PCDH9: variants seen among roughly 807,000 people sequenced by gnomAD.
The protein encoded by PCDH9 is protocadherin-9.
In PCDH9, 24 loss-of-function variants were observed where a neutral mutation model predicts 70.6. The ratio of observed to expected loss-of-function variants is 0.34; its 90% confidence interval spans 0.25 to 0.48. PCDH9 has a LOEUF of 0.48. PCDH9 is among the 20% of genes least tolerant of loss of function. The probability of loss-of-function intolerance (pLI) is 0.99; values close to 1 mark genes in which losing one functional copy is unlikely to be tolerated. For synonymous variants in PCDH9, 562 were observed against 558.5 expected (o/e 1.01, Z -0.09); for missense variants, 1,281 against 1,503.6 (o/e 0.85, Z 2.45).
intron 4 of PCDH9, among the ~76,000 whole-genome samples, chr13:66,552,568 G>A (rs748467733): frequency 1.3e-5 from 2 of 152,104 alleles, no homozygotes; most frequent in African/African-American, 2.4e-5. Context: ...TGTTGAGGTA[G>A]TCAGTCTTGC....
At chr13:67,069,912 T>C (rs2138150859) in intron 2 of PCDH9, among the ~76,000 whole-genome samples, 1 of 152,150 alleles carries the variant, frequency 6.6e-6, no homozygotes, top group East Asian at 1.9e-4. Flanking sequence ...ATTCATCCTT[T>C]GTGTCACATC....
rs150623614 is a variant in PCDH9 at position 66,773,994 on chromosome 13, T to C, written c.3138+129510A>G. On this transcript the variant is annotated intron_variant, in intron 3 of 4. Coordinates refer to ENST00000377865, the MANE Select transcript of PCDH9 (RefSeq NM_203487.3). ...AGTTTCACCATGTTGGCCAGGCTGG[T>C]CTTGAACTCCTGACCTCAGGTTATC... is the stretch of plus-strand genomic sequence containing the variant. Among the ~76,000 whole-genome samples the C allele has an allele frequency of 9.2e-3, 1,404 of 152,064 alleles. 8 individuals carry two copies. Among genetic ancestry groups the C allele is most frequent in the Non-Finnish European group, 0.014 (920 of 67,988 alleles).
At chr13:66,441,778 G>T (rs912875950) in intron 4 of PCDH9, among the ~76,000 whole-genome samples, 1 of 151,842 alleles carries the variant, frequency 6.6e-6, no homozygotes. Flanking sequence ...ATAATTCTTG[G>T]TTAATAAAGA....
At chr13:66,788,897 C>G (rs1187006310) in intron 3 of PCDH9, among the ~76,000 whole-genome samples, 1 of 152,042 alleles carries the variant, frequency 6.6e-6, no homozygotes, top group Non-Finnish European at 1.5e-5. Flanking sequence ...GTCTGACTAG[C>G]ACATGTAGAA....
At chr13:67,002,975 CT>C (rs569682957) in intron 2 of PCDH9, among the ~76,000 whole-genome samples, 2 of 150,958 alleles carry the variant, frequency 1.3e-5, no homozygotes, top group Admixed American at 6.6e-5. Context: ...TACATGGAGG[CT>C]TTTTTTTAAT....
intron 2 of PCDH9, chr13:67,216,910 T>C (rs1240471004): frequency 6.6e-6 from 1 of 151,510 alleles, no homozygotes; most frequent in African/African-American, 2.4e-5. Flanking sequence ...ATTCTAGACA[T>C]CCAATGTGAA....
At chr13:66,540,915 A>ATCTT (rs1286937673) in intron 4 of PCDH9, among the ~76,000 whole-genome samples, 2 of 152,162 alleles carry the variant, frequency 1.3e-5, no homozygotes, top group Non-Finnish European at 2.9e-5. Flanking sequence ...GAAGGGCCAC[A>ATCTT]TCTTTGACAG....
At chr13:66,866,248 C>G (rs887530712) in intron 3 of PCDH9, among the ~76,000 whole-genome samples, 1 of 149,766 alleles carries the variant, frequency 6.7e-6, no homozygotes, top group Non-Finnish European at 1.5e-5. Context: ...TTTGGGAGGC[C>G]GAGGTGGGCT....
At chr13:66,750,966 C>G (rs2079448239) in intron 3 of PCDH9, among the ~76,000 whole-genome samples, 1 of 152,010 alleles carries the variant, frequency 6.6e-6, no homozygotes, top group Non-Finnish European at 1.5e-5. Flanking sequence ...AGTTGGATTT[C>G]TAAGACATGA....
intron 3 of PCDH9, among the ~76,000 whole-genome samples, chr13:66,653,010 A>G (rs1427070761): frequency 6.6e-6 from 1 of 152,178 alleles, no homozygotes; most frequent in African/African-American, 2.4e-5. Flanking sequence ...TGTATTAAAG[A>G]CTTAAATCTA....
chr13:66,987,925 G>T (rs1010448504), intron 2 of PCDH9, among the ~76,000 whole-genome samples: 1 of 151,730 alleles, frequency 6.6e-6, no homozygotes, highest in African/African-American at 2.4e-5. Context: ...TTGAGACAGG[G>T]TCTTTGTCTG....
intron 3 of PCDH9, among the ~76,000 whole-genome samples, chr13:66,824,324 T>G (rs1466040273): frequency 2.0e-5 from 1 of 50,618 alleles, no homozygotes; most frequent in African/African-American, 6.5e-5. Context: ...TATATATATA[T>G]ATATATATAT....
At chr13:67,154,589 A>AT (rs1407842401) in intron 2 of PCDH9, among the ~76,000 whole-genome samples, 57 of 91,304 alleles carry the variant, frequency 6.2e-4, no homozygotes, top group African/African-American at 2.3e-3. Flanking sequence ...AAAAAAAAAA[A>AT]AAAAAAATAT....
chr13:66,500,398 T>C (rs575045813), intron 4 of PCDH9, among the ~76,000 whole-genome samples: 1 of 152,288 alleles, frequency 6.6e-6, no homozygotes, highest in South Asian at 2.1e-4. Context: ...ACAACATGGA[T>C]GAACCTAGGG....
At chr13:66,517,087 A>G (rs140686829) in intron 4 of PCDH9, among the ~76,000 whole-genome samples, 14 of 152,240 alleles carry the variant, frequency 9.2e-5, no homozygotes, top group Non-Finnish European at 7.4e-5. Context: ...GCCAGTAGAC[A>G]AGAAGTTTGC....
intron 4 of PCDH9, among the ~76,000 whole-genome samples, chr13:66,622,881 T>C (rs2138907599): frequency 6.6e-6 from 1 of 152,312 alleles, no homozygotes; most frequent in South Asian, 2.1e-4. Context: ...ACACTGCCTT[T>C]ATGAGCTGTA....
intron 3 of PCDH9, among the ~76,000 whole-genome samples, chr13:66,831,941 T>A (rs2080934028): frequency 6.6e-6 from 1 of 152,154 alleles, no homozygotes; most frequent in Admixed American, 6.5e-5. Flanking sequence ...TCCTTATAAA[T>A]CATTTTTTTA....
chr13:66,407,497 GGAGGGGGGTGTT>G (rs1410627290), intron 4 of PCDH9, among the ~76,000 whole-genome samples: 1 of 152,154 alleles, frequency 6.6e-6, no homozygotes. Context: ...GGAGTCCTGA[GGAGGGGGGTGTT>G]GTTTTTTAAT....
At chr13:66,627,377 A>C (rs1384254949) in intron 4 of PCDH9, among the ~76,000 whole-genome samples, 5 of 152,168 alleles carry the variant, frequency 3.3e-5, no homozygotes, top group Admixed American at 6.5e-5. Flanking sequence ...TCACTTCACA[A>C]ATTTCTCAAA....
Sources: allele counts gnomAD v4.1 joint callset (sites outside exome capture counted in the v4.1 genomes callset), GRCh38; gene constraint gnomAD v4.1.1; transcripts MANE v1.5; gene names NCBI Gene and HGNC (gene_info 2026-07-23, HGNC 2026-07-21).